The following GYS2 variants were observed in gnomAD, a reference collection of about 807,000 sequenced individuals.
GYS2 encodes glycogen [starch] synthase, liver.
In GYS2, 80 loss-of-function variants were observed where a neutral mutation model predicts 85.6. The observed-to-expected ratio is 0.93, with a 90% CI of 0.78 to 1.13. The LOEUF is 1.13. GYS2 is among the 50% of genes most tolerant of loss of function. The pLI is 0.00. For missense variants in GYS2, 881 were observed against 854.9 expected, an observed-to-expected ratio of 1.03 and a Z score of -0.38; for synonymous variants, 328 against 300.7, an observed-to-expected ratio of 1.09 and a Z score of -0.94.
rs137974219 is a variant in GYS2 at position 21,549,771 on chromosome 12, A to G, written c.1423-3301T>C. Among the ~76,000 whole-genome samples the G allele has an allele frequency of 3.1e-3, 479 of 152,302 alleles. 2 individuals carry two copies. Among genetic ancestry groups the G allele is most frequent in the Non-Finnish European group, 5.3e-3 (361 of 68,010 alleles). The stretch of plus-strand genomic sequence containing the variant: ...GTGTTCTTTTCATTGCATTTTAATC[A>G]GGTGGTAAAGGTTTTCTATTTTTTT... On this transcript the variant is annotated intron_variant, in intron 11 of 15. Transcript: ENST00000261195.
intron 5 of GYS2, among the ~76,000 whole-genome samples, chr12:21,564,308 G>T (rs7398744): frequency 0.56 from 84,733 of 151,492 alleles, 24,607 homozygotes; most frequent in East Asian, 0.73. Flanking sequence ...GTGTGCGCCT[G>T]TAGTCCCAGC....
rs1465209424 is a variant in GYS2, at chr12:21,541,290, A to AC, written c.1646-718_1646-717insG. Among the ~76,000 whole-genome samples the AC allele has an allele frequency of 2.9e-5, 4 of 135,994 alleles. No individual in the cohort carries two copies. In the South Asian group the frequency reaches 9.3e-4, roughly 32 times the overall value. 89.2% of individuals were successfully genotyped at this position (135,994 alleles called of 152,430 possible). A position where few individuals can be genotyped will look rare whatever the true frequency, so the allele number is the denominator to read the frequency against. ...TTCCAAAAAAAAAAAAAAAAAAAAA[A>AC]ACAAAAAACCCAGGGAAATGGCAAT... On this transcript the variant is annotated intron_variant, in intron 13 of 15. Transcript: ENST00000261195.
intron 1 of GYS2, among the ~76,000 whole-genome samples, chr12:21,593,632 C>G (rs1458039753): frequency 6.6e-6 from 1 of 151,760 alleles, no homozygotes; most frequent in Non-Finnish European, 1.5e-5. Context: ...TAAAAAGTCT[C>G]CCAAAAAAGA....
At chr12:21,541,078 A>G (rs939874778) in intron 13 of GYS2, among the ~76,000 whole-genome samples, 18 of 151,642 alleles carry the variant, frequency 1.2e-4, no homozygotes, top group African/African-American at 3.2e-4. Flanking sequence ...TTCAAGACCA[A>G]CCTGGGCAAC....
Position 21,574,225 on chromosome 12 carries a change from G to A in GYS2, c.597C>T (p.Ala199=), listed in dbSNP as rs1944418736. ...GTGTAGCGTGGGTTGTAAATATTGTGGCAATAGGAAGTTTCCTGGCTCGAG... is the reference window on the plus strand; with the variant it reads ...GTGTAGCGTGGGTTGTAAATATTGTAGCAATAGGAAGTTTCCTGGCTCGAG... ...ILSRARKLPI[A]TIFTTHATLL... The change falls in exon 4 of 16, where the codon GCC becomes GCT. Residue 199 remains alanine (A), a synonymous_variant. Transcript: ENST00000261195. The A allele has an allele frequency of 2.5e-6, 4 of 1,613,250 alleles. No homozygotes were observed. Among genetic ancestry groups the A allele is most frequent in the Non-Finnish European group, 2.5e-6 (3 of 1,179,224 alleles).
chr12:21,551,063 G>C (rs61928673), intron 11 of GYS2, among the ~76,000 whole-genome samples: 1 of 151,218 alleles, frequency 6.6e-6, no homozygotes, highest in Non-Finnish European at 1.5e-5. Context: ...ACATTGTGCA[G>C]GTTAGTTACA....
At chr12:21,583,271 A>G (rs763141122) in intron 1 of GYS2, among the ~76,000 whole-genome samples, 7 of 152,328 alleles carry the variant, frequency 4.6e-5, no homozygotes, top group South Asian at 4.1e-4. Context: ...TAGGGGTCCA[A>G]TGGTTTGGGG....
At chr12:21,564,087 T>A (rs11046122) in intron 5 of GYS2, among the ~76,000 whole-genome samples, 1 of 152,002 alleles carries the variant, frequency 6.6e-6, no homozygotes, top group Non-Finnish European at 1.5e-5. Flanking sequence ...GGGACCACTC[T>A]GAGCATATGA....
Position 21,546,366 on chromosome 12 carries a change from A to C in GYS2, c.1527T>G (p.Tyr509Ter). Residue 509 changes from tyrosine (Y) to a stop codon, truncating the protein, a stop_gained, in exon 12 of 16, where the codon TAT (tyrosine) becomes TAG (stop). Transcript: ENST00000261195. LOFTEE classifies it high-confidence loss of function. ...GCHLGVFPSY[Y>*]EPWGYTPAEC... is the part of the protein sequence containing the mutation. ...TACCTGGAGTATAACCCCAGGGTTCATAGTATGATGGAAATACTCCAAGAT... is the reference window on the plus strand; with the variant it reads ...TACCTGGAGTATAACCCCAGGGTTCCTAGTATGATGGAAATACTCCAAGAT... 6.2e-7 allele frequency: 1 copy of C among 1,604,052 alleles called. No homozygotes were observed. Among genetic ancestry groups the C allele is most frequent in the Middle Eastern group, 1.7e-4 (1 of 6,042 alleles).
intron 11 of GYS2, among the ~76,000 whole-genome samples, chr12:21,548,585 C>T (rs1944069607): frequency 6.6e-6 from 1 of 152,062 alleles, no homozygotes; most frequent in Admixed American, 6.6e-5. Flanking sequence ...AACTGGTTCA[C>T]AAAGCTTCTG....
chr12:21,591,898 T>C (rs1944643712), intron 1 of GYS2, among the ~76,000 whole-genome samples: 1 of 152,096 alleles, frequency 6.6e-6, no homozygotes, highest in Non-Finnish European at 1.5e-5. Context: ...AACATTGTTC[T>C]TCAAAAATGA....
rs752480125 is a variant in GYS2 at position 21,575,901 on chromosome 12, T to G, written c.460A>C (p.Ile154Leu). ...AACCAGGCAGTTAAAGATCCAAATA[T>G]CAGCATATCATTGGCTTCTCGGTCA... ...YHDREANDML[I>L]FGSLTAWFLK... Residue 154 changes from isoleucine to leucine, a missense_variant, in exon 3 of 16, where the codon ATA becomes CTA. Ile to Leu is a conservative substitution (Grantham distance 5, BLOSUM62 2). Coordinates refer to ENST00000261195, the MANE Select transcript of GYS2 (RefSeq NM_021957.4). 6.2e-7 allele frequency: 1 copy of G among 1,613,870 alleles called. No homozygotes were observed. The highest frequency in any genetic ancestry group is 8.5e-7 in the Non-Finnish European group (1 of 1,179,818).
At chr12:21,558,164 A>G (rs376159208) in intron 11 of GYS2, 36 bp downstream of exon 11, 3 of 1,128,770 alleles carry the variant, frequency 2.7e-6, no homozygotes, top group Non-Finnish European at 4.1e-6. Context: ...TATTTTAAGT[A>G]AGTTTAAAGT....
chr12:21,557,947 A>T (rs538370188), intron 11 of GYS2, among the ~76,000 whole-genome samples: 2 of 152,356 alleles, frequency 1.3e-5, no homozygotes, highest in South Asian at 2.1e-4. Flanking sequence ...CCTTATGCTT[A>T]TTAGCAGTAT....
At chr12:21,566,650 C>T (rs1944324274) in intron 5 of GYS2, among the ~76,000 whole-genome samples, 1 of 152,102 alleles carries the variant, frequency 6.6e-6, no homozygotes, top group Non-Finnish European at 1.5e-5. Flanking sequence ...ATGTACCAGG[C>T]ACTGAGCTGA....
Position 21,559,072 on chromosome 12 carries a change from G to A in GYS2, c.1308+19C>T, listed in dbSNP as rs768601262. ...ATTTAATAACTATGGGACATAGTGG[G>A]TGCTTTTTTCCTTATTACCTGAGTT... On this transcript the variant is annotated intron_variant, in intron 10 of 15. Transcript: ENST00000261195. 2 of 1,396,854 alleles carry A rather than the reference G, an allele frequency of 1.4e-6. No individual in the cohort carries two copies. The highest frequency in any genetic ancestry group is 2.8e-5 in the African/African-American group (2 of 70,540). The allele number at this position is 1,396,854 out of a possible 1,614,324, so 86.5% of individuals were successfully genotyped here.
chr12:21,543,492 T>G (rs962375282), intron 12 of GYS2, among the ~76,000 whole-genome samples: 1 of 152,152 alleles, frequency 6.6e-6, no homozygotes, highest in Admixed American at 6.5e-5. Context: ...TTTTTTAATT[T>G]TTACACACTT....
At chr12:21,541,305 GA>G (rs1270161103) in intron 13 of GYS2, among the ~76,000 whole-genome samples, 1 of 135,462 alleles carries the variant, frequency 7.4e-6, no homozygotes, top group Non-Finnish European at 1.6e-5. Context: ...AAAACCCAGG[GA>G]AATGGCAATG....
chr12:21,540,269 A>G (rs1943956295), intron 14 of GYS2, 141 bp downstream of exon 14: 2 of 817,112 alleles, frequency 2.4e-6, no homozygotes, highest in African/African-American at 1.7e-5. Flanking sequence ...AACTTATTAA[A>G]TTTTAAAAAG....
Sources: gnomAD v4.1 joint callset for allele counts (sites outside exome capture counted in the v4.1 genomes callset) on GRCh38, gnomAD v4.1.1 for gene constraint, MANE v1.5 for transcripts, NCBI Gene and HGNC (gene_info 2026-07-23, HGNC 2026-07-21) for gene names.